B3GALT5: variants seen among roughly 807,000 people sequenced by gnomAD.
The protein encoded by B3GALT5 is UDP-Gal:betaGlcNAc beta 1,3-galactosyltransferase, polypeptide 5.
For missense variants in B3GALT5, 328 were observed against 396.6 expected, an observed-to-expected ratio of 0.83 and a Z score of 1.47; for synonymous variants, 156 against 158.6, an observed-to-expected ratio of 0.98 and a Z score of 0.12.
In B3GALT5 at chr21:39,672,225, C is replaced by G. The variant is rs538544926; in HGVS notation, c.*10733C>G. 2 of 152,362 alleles carry G rather than the reference C, an allele frequency of 1.3e-5. No individual in the cohort carries two copies. Among genetic ancestry groups the G allele is most frequent in the East Asian group, 3.9e-4 (2 of 5,184 alleles). 9.4% of individuals were successfully genotyped at this position (152,362 alleles called of 1,614,324 possible). ...CGTGAGGTCTGTTGGCTCAGGGGTC[C>G]AGTCCCTGGGTCCCCGAAGAGGTAA... On this transcript the variant is annotated 3_prime_UTR_variant, in exon 4 of 4. Transcript: ENST00000684187.
intron 1 of B3GALT5, among the ~76,000 whole-genome samples, chr21:39,618,510 A>G (rs2079118389): frequency 6.6e-6 from 1 of 152,198 alleles, no homozygotes; most frequent in Non-Finnish European, 1.5e-5. Context: ...GTAGAATCTC[A>G]GTGTTTTAAG....
intron 1 of B3GALT5, among the ~76,000 whole-genome samples, chr21:39,626,806 A>T (rs56165964): frequency 0.075 from 11,327 of 151,356 alleles, 565 homozygotes; most frequent in Non-Finnish European, 0.11. Flanking sequence ...TTTGTTGTTG[A>T]CAGACTCCTA....
chr21:39,627,774 A>G (rs901354778), intron 1 of B3GALT5, among the ~76,000 whole-genome samples: 1 of 152,236 alleles, frequency 6.6e-6, no homozygotes, highest in Non-Finnish European at 1.5e-5. Context: ...TAGGATGTCT[A>G]AATGCTAGAA....
chr21:39,653,480 G>T (rs915071805), intron 2 of B3GALT5, among the ~76,000 whole-genome samples: 5 of 152,314 alleles, frequency 3.3e-5, no homozygotes, highest in Admixed American at 3.3e-4. Flanking sequence ...GCATTGCAGG[G>T]GAAACAGTTT....
chr21:39,661,028 T>G lies in B3GALT5; in HGVS notation c.469T>G (p.Ser157Ala). Residue 157 changes from serine to alanine, a missense_variant, in exon 4 of 4, where the codon TCA becomes GCA. Ser to Ala is a moderately conservative substitution (Grantham distance 99). Transcript: ENST00000684187. This position sits in a 1 kb window ranked among gnomAD's most constrained non-coding sequence, Gnocchi z 4.7. Reference protein sequence around the residue: ...PQAAFVMKTDSDMFINVDYLT... With the variant: ...PQAAFVMKTDADMFINVDYLT... Reference sequence around the variant, plus strand: ...GGCGGCGTTTGTGATGAAAACAGACTCAGACATGTTCATCAATGTTGACTA... The same window carrying G: ...GGCGGCGTTTGTGATGAAAACAGACGCAGACATGTTCATCAATGTTGACTA... 1 of 1,614,092 alleles carries G rather than the reference T, an allele frequency of 6.2e-7. No individual in the cohort carries two copies. Among genetic ancestry groups the G allele is most frequent in the Non-Finnish European group, 8.5e-7 (1 of 1,179,968 alleles).
rs377437585 is a variant in B3GALT5, at chr21:39,661,505, G to A, written c.*13G>A. On this transcript the variant is annotated 3_prime_UTR_variant, in exon 4 of 4. Transcript: ENST00000684187. The surrounding 1 kb of genome is among the most constrained non-coding windows in gnomAD (Gnocchi z 4.7). ...TCCGCCTGTCTGAGGGGAGCCCAGA[G>A]GCACATCCGGACAAGTTTCAGATAA... The A allele has an allele frequency of 6.7e-7, 1 of 1,497,580 alleles. No individual in the cohort carries two copies. The highest frequency in any genetic ancestry group is 8.9e-7 in the Non-Finnish European group (1 of 1,125,098). The allele number at this position is 1,497,580 out of a possible 1,614,324, so 92.8% of individuals were successfully genotyped here.
rs1464002471 is a variant in B3GALT5 at position 39,668,987 on chromosome 21, A to G, written c.*7495A>G. ...TGGGCTGTGAATTTTGGTGGATTCT[A>G]TGGTGGTGTATACAGCACTATCTAT... On this transcript the variant is annotated 3_prime_UTR_variant, in exon 4 of 4. Transcript: ENST00000684187. 2.0e-5 allele frequency: 3 copies of G among 152,234 alleles called. No individual in the cohort carries two copies. Among genetic ancestry groups the G allele is most frequent in the Admixed American group, 6.5e-5 (1 of 15,282 alleles). 9.4% of individuals were successfully genotyped at this position (152,234 alleles called of 1,614,324 possible). A position where few individuals can be genotyped will look rare whatever the true frequency, so the allele number is the denominator to read the frequency against.
rs1569223765 is a variant in B3GALT5 at position 39,661,225 on chromosome 21, T to TG, written c.668dup (p.Asp224ArgfsTer17). 6.2e-7 allele frequency: 1 copy of TG among 1,614,202 alleles called. No individual in the cohort carries two copies. On this transcript the variant is annotated frameshift_variant, in exon 4 of 4. Coordinates refer to ENST00000684187, the MANE Select transcript of B3GALT5 (RefSeq NM_001356336.2). LOFTEE classifies it low-confidence loss of function (END_TRUNC). This position sits in a 1 kb window ranked among gnomAD's most constrained non-coding sequence, Gnocchi z 4.7. The stretch of plus-strand genomic sequence containing the variant: ...GCTCCGGCACCGGCTACGTGTTTTC[T>TG]GGCGACGTGGCGAGTCAGGTGTACA...
chr21:39,649,097 A>T (rs2079369789), intron 2 of B3GALT5, among the ~76,000 whole-genome samples: 1 of 152,226 alleles, frequency 6.6e-6, no homozygotes, highest in South Asian at 2.1e-4. Flanking sequence ...TCCTGAGACC[A>T]GTGATCATGT....
At chr21:39,659,103 G>A (rs1383663745) in intron 2 of B3GALT5, among the ~76,000 whole-genome samples, 1 of 152,132 alleles carries the variant, frequency 6.6e-6, no homozygotes, top group Non-Finnish European at 1.5e-5. Context: ...AGAAGAGTAT[G>A]GTGGCATGCG....
intron 1 of B3GALT5, 52 bp from the exon 2 acceptor site, chr21:39,646,340 G>C (rs1368397900): frequency 1.3e-5 from 2 of 152,180 alleles, no homozygotes; most frequent in Admixed American, 1.3e-4. Flanking sequence ...GAAGTCTTTT[G>C]CAGTGTACGT....
chr21:39,661,481 C>T lies in B3GALT5; in HGVS notation c.922C>T (p.Pro308Ser), dbSNP rs1187352582. Residue 308 changes from proline (P) to serine (S), a missense_variant, in exon 4 of 4, where the codon CCG (proline) becomes TCG (serine). Coordinates refer to ENST00000684187, the MANE Select transcript of B3GALT5 (RefSeq NM_001356336.2). This position sits in a 1 kb window ranked among gnomAD's most constrained non-coding sequence, Gnocchi z 4.7. ...ALENSRGEDC[P>S]PV The stretch of plus-strand genomic sequence containing the variant: ...AGAGAATTCCCGGGGGGAAGATTGT[C>T]CGCCTGTCTGAGGGGAGCCCAGAGG... The T allele has an allele frequency of 1.9e-5, 28 of 1,508,956 alleles. No homozygotes were observed. Among genetic ancestry groups the T allele is most frequent in the Non-Finnish European group, 2.4e-5 (27 of 1,130,242 alleles). 93.5% of individuals were successfully genotyped at this position (1,508,956 alleles called of 1,614,324 possible).
chr21:39,657,922 T>G, intron 2 of B3GALT5: 1 of 1,231,158 alleles, frequency 8.1e-7, no homozygotes. Flanking sequence ...AGATAGTGCC[T>G]GTTCATGGCT....
At chr21:39,615,634 A>T (rs946761354) in intron 1 of B3GALT5, among the ~76,000 whole-genome samples, 1 of 152,226 alleles carries the variant, frequency 6.6e-6, no homozygotes, top group Non-Finnish European at 1.5e-5. Flanking sequence ...TGCAAATCCC[A>T]GCTTTGACAG....
At chr21:39,620,039 T>A (rs2079126308) in intron 1 of B3GALT5, among the ~76,000 whole-genome samples, 2 of 152,188 alleles carry the variant, frequency 1.3e-5, no homozygotes, top group Admixed American at 1.3e-4. Context: ...TTGGCCAGGC[T>A]GGTCTCGAAC....
At chr21:39,624,667 C>G (rs1488434535) in intron 1 of B3GALT5, among the ~76,000 whole-genome samples, 2 of 152,182 alleles carry the variant, frequency 1.3e-5, no homozygotes, top group African/African-American at 2.4e-5. Context: ...ATTCCATAGA[C>G]AATGCTGCAC....
rs2079177221 is a variant in B3GALT5 at position 39,628,826 on chromosome 21, A to AT, written c.-392+15763dup. Among the ~76,000 whole-genome samples, 5 of 152,210 alleles carry AT rather than the reference A, an allele frequency of 3.3e-5. No individual in the cohort carries two copies. In the South Asian group the frequency reaches 1.0e-3, roughly 32 times the overall value. ...CTGGATTCTATGAAGTACTTGTTTG[A>AT]TTTTCACAAGATCTTTAAGAAGTAG... is the stretch of plus-strand genomic sequence containing the variant. On this transcript the variant is annotated intron_variant, in intron 1 of 3. Transcript: ENST00000684187.
At chr21:39,626,804 TG>T (rs56200840) in intron 1 of B3GALT5, among the ~76,000 whole-genome samples, 11,327 of 152,264 alleles carry the variant, frequency 0.074, 565 homozygotes, top group Non-Finnish European at 0.11. Flanking sequence ...TTTTTGTTGT[TG>T]ACAGACTCCT....
intron 1 of B3GALT5, among the ~76,000 whole-genome samples, chr21:39,639,091 G>A (rs2079252079): frequency 1.3e-5 from 2 of 152,142 alleles, no homozygotes; most frequent in South Asian, 4.1e-4. Flanking sequence ...ACGAAAGGAA[G>A]GTCCACGTTA....
Sources: allele counts gnomAD v4.1 joint callset (sites outside exome capture counted in the v4.1 genomes callset), GRCh38; gene constraint gnomAD v4.1.1; non-coding constraint Gnocchi (gnomAD v3.1); transcripts MANE v1.5; gene names NCBI Gene and HGNC (gene_info 2026-07-23, HGNC 2026-07-21).